WNT7B: variants seen among roughly 807,000 people sequenced by gnomAD.
WNT7B encodes the protein protein Wnt-7b.
A neutral mutation model predicts 38.2 loss-of-function variants in WNT7B; 19 were observed. That is an observed-to-expected ratio of 0.50 (90% confidence interval 0.35 to 0.73). WNT7B has a LOEUF of 0.73. Among genes scored for constraint, WNT7B ranks in the 30% least tolerant of loss-of-function variants. The pLI, the probability that WNT7B is intolerant of heterozygous loss-of-function variation, is 0.01. For missense variants in WNT7B, 423 were observed against 507.9 expected (o/e 0.83, Z 1.61); for synonymous variants, 243 against 209.3 (o/e 1.16, Z -1.39).
At chr22:45,927,756 C>T (rs1024000444) in intron 3 of WNT7B, among the ~76,000 whole-genome samples, 1 of 152,146 alleles carries the variant, frequency 6.6e-6, no homozygotes, top group African/African-American at 2.4e-5. Context: ...ATTAGCTGGG[C>T]ACAGTGGCAC....
chr22:45,970,816 A>C (rs1049768402), intron 1 of WNT7B, among the ~76,000 whole-genome samples: 5 of 152,182 alleles, frequency 3.3e-5, no homozygotes, highest in Non-Finnish European at 7.3e-5. Context: ...GGACCCTGGC[A>C]CTTTATCAGC....
chr22:45,956,441 A>G (rs376594119), intron 1 of WNT7B, among the ~76,000 whole-genome samples: 6 of 152,274 alleles, frequency 3.9e-5, no homozygotes, highest in African/African-American at 1.4e-4. Context: ...ATCAGGGACC[A>G]GCTTCATCTA....
chr22:45,969,609 A>G (rs1601743257), intron 1 of WNT7B, among the ~76,000 whole-genome samples: 1 of 152,262 alleles, frequency 6.6e-6, no homozygotes, highest in Non-Finnish European at 1.5e-5. Context: ...AGCATGTAGC[A>G]GGGGCGCAGG....
chr22:45,938,363 G>A (rs1201495534), intron 2 of WNT7B, among the ~76,000 whole-genome samples: 4 of 152,136 alleles, frequency 2.6e-5, no homozygotes, highest in African/African-American at 7.2e-5. Context: ...ATGGCTGGGT[G>A]CTGTGGCTCA....
intron 2 of WNT7B, among the ~76,000 whole-genome samples, chr22:45,946,207 G>T (rs956660260): frequency 6.6e-6 from 1 of 152,206 alleles, no homozygotes. Flanking sequence ...AGCCTCTCCT[G>T]TTAGCCCTGG....
chr22:45,929,968 C>CCACTCATACATCTATG (rs1367894596), intron 3 of WNT7B, among the ~76,000 whole-genome samples: 12 of 150,068 alleles, frequency 8.0e-5, no homozygotes, highest in Admixed American at 6.6e-4. Context: ...ATACATCTAT[C>CCACTCATACATCTATG]CATCCATCCA....
In WNT7B at chr22:45,976,575, A is replaced by G; in HGVS notation, c.71+109T>C. ...CACGGGCCAGCCCCGGAGCCCAGAG[A>G]GCTGCAGTGGCCCCCTCCAGTCCCC... On this transcript the variant is annotated intron_variant, in intron 1 of 3. Coordinates refer to ENST00000339464, the MANE Select transcript of WNT7B (RefSeq NM_058238.3). This position sits in a 1 kb window ranked among gnomAD's most constrained non-coding sequence, Gnocchi z 8.5. 8.3e-7 allele frequency: 1 copy of G among 1,199,350 alleles called. No individual in the cohort carries two copies. The highest frequency in any genetic ancestry group is 1.2e-6 in the Non-Finnish European group (1 of 838,384). 74.3% of individuals were successfully genotyped at this position (1,199,350 alleles called of 1,614,324 possible).
In WNT7B at chr22:45,965,965, G is replaced by A. The variant is rs1395726658; in HGVS notation, c.71+10719C>T. ...AGTGGCATGGACCCGACAGCCAGGA[G>A]TCCCTGGGCTCAAATCTGGGCTCAG... is the stretch of plus-strand genomic sequence containing the variant. On this transcript the variant is annotated intron_variant, in intron 1 of 3. Coordinates refer to ENST00000339464, the MANE Select transcript of WNT7B (RefSeq NM_058238.3). The surrounding 1 kb of genome is among the most constrained non-coding windows in gnomAD (Gnocchi z 6.5). Among the ~76,000 whole-genome samples the A allele has an allele frequency of 6.6e-6, 1 of 152,176 alleles. No individual in the cohort carries two copies. Among genetic ancestry groups the A allele is most frequent in the Non-Finnish European group, 1.5e-5 (1 of 68,044 alleles).
At chr22:45,942,999 CGTGT>C (rs1246350992) in intron 2 of WNT7B, among the ~76,000 whole-genome samples, 1 of 139,902 alleles carries the variant, frequency 7.1e-6, no homozygotes, top group Non-Finnish European at 1.5e-5. Context: ...TGTGTGTAGG[CGTGT>C]ATGTGTGCAG....
At chr22:45,970,040 C>T (rs1932398476) in intron 1 of WNT7B, among the ~76,000 whole-genome samples, 2 of 152,208 alleles carry the variant, frequency 1.3e-5, no homozygotes, top group Non-Finnish European at 2.9e-5. Flanking sequence ...TCATTCAAAC[C>T]GAATCGCGCA....
intron 1 of WNT7B, among the ~76,000 whole-genome samples, chr22:45,971,956 C>T (rs1302670156): frequency 6.6e-6 from 1 of 152,190 alleles, no homozygotes. Context: ...CTTCTCACTG[C>T]CGTAGCTGCC....
intron 1 of WNT7B, among the ~76,000 whole-genome samples, chr22:45,957,033 C>T (rs1298115811): frequency 1.4e-5 from 2 of 147,972 alleles, no homozygotes; most frequent in South Asian, 4.2e-4. Context: ...TTGAACCAGG[C>T]AGTTGGAGGT....
intron 3 of WNT7B, among the ~76,000 whole-genome samples, chr22:45,929,582 TTCCATCCATTCATGCA>T (rs552061154): frequency 0.015 from 1,945 of 132,954 alleles, 17 homozygotes; most frequent in Middle Eastern, 0.035. Context: ...TCATCCATAC[TTCCATCCATTCATGCA>T]TCCATCCACC....
intron 2 of WNT7B, among the ~76,000 whole-genome samples, chr22:45,932,251 C>T (rs1242259962): frequency 6.6e-6 from 1 of 152,204 alleles, no homozygotes; most frequent in East Asian, 1.9e-4. Flanking sequence ...AGCCCTCTCT[C>T]CCCATCCTCT....
intron 1 of WNT7B, among the ~76,000 whole-genome samples, chr22:45,963,983 C>T (rs749242705): frequency 6.6e-6 from 1 of 152,064 alleles, no homozygotes. Context: ...AGCCCCCAGG[C>T]CACAAGCTGG....
chr22:45,938,573 G>T (rs1312650217), intron 2 of WNT7B, among the ~76,000 whole-genome samples: 1 of 151,970 alleles, frequency 6.6e-6, no homozygotes, highest in African/African-American at 2.4e-5. Context: ...GGAGAGGGGA[G>T]GTTGCAGTGA....
chr22:45,975,779 A>C lies in WNT7B; in HGVS notation c.71+905T>G, dbSNP rs2146759158. On this transcript the variant is annotated intron_variant, in intron 1 of 3. Transcript: ENST00000339464. This position sits in a 1 kb window ranked among gnomAD's most constrained non-coding sequence, Gnocchi z 6.6. ...CGGGGCCCGGGTCCCCGCAGGTGCG[A>C]GGAGCGCGGGGCCAGCAGCGGGCGG... is the stretch of plus-strand genomic sequence containing the variant. The C allele has an allele frequency of 2.9e-6, 1 of 344,624 alleles. No individual in the cohort carries two copies. The highest frequency in any genetic ancestry group is 1.4e-4 in the South Asian group (1 of 7,386). The allele number at this position is 344,624 out of a possible 1,614,324, so 21.3% of individuals were successfully genotyped here.
In WNT7B at chr22:45,934,888, C is replaced by T. The variant is rs539677384; in HGVS notation, c.299-3519G>A. On this transcript the variant is annotated intron_variant, in intron 2 of 3. Coordinates refer to ENST00000339464, the MANE Select transcript of WNT7B (RefSeq NM_058238.3). The stretch of plus-strand genomic sequence containing the variant: ...ATAGTTTTGGCACAATCAGTAAGAA[C>T]GACCTTAGGTCCGGCGAGAGTCGCT... Among the ~76,000 whole-genome samples, 15 of 152,364 alleles carry T rather than the reference C, an allele frequency of 9.8e-5. No homozygotes were observed. In the East Asian group the frequency reaches 1.5e-3, roughly 16 times the overall value.
chr22:45,941,329 G>A (rs1286151537), intron 2 of WNT7B, among the ~76,000 whole-genome samples: 20 of 152,312 alleles, frequency 1.3e-4, no homozygotes, highest in Non-Finnish European at 1.9e-4. Context: ...GGCCAACATG[G>A]CGAAACCCCG....
Sources: gnomAD v4.1 joint callset for allele counts (sites outside exome capture counted in the v4.1 genomes callset) on GRCh38, gnomAD v4.1.1 for gene constraint, Gnocchi (gnomAD v3.1) non-coding constraint, MANE v1.5 for transcripts, NCBI Gene and HGNC (gene_info 2026-07-23, HGNC 2026-07-21) for gene names.